The following CTNND2 variants were observed in gnomAD, a reference collection of about 807,000 sequenced individuals.
CTNND2 encodes catenin delta-2.
CTNND2 carries 22 observed loss-of-function variants against 144.4 expected under a neutral mutation model. That is an observed-to-expected ratio of 0.15 (90% CI 0.11 to 0.22). The LOEUF (loss-of-function observed/expected upper bound fraction) is 0.22. Ranked by LOEUF, CTNND2 falls within the 10% of genes least tolerant of loss-of-function variation. The pLI, the probability that CTNND2 is intolerant of heterozygous loss-of-function variation, is 1.00. For synonymous variants in CTNND2, 751 were observed against 695.6 expected (o/e 1.08, Z -1.25); for missense variants, 1,353 against 1,618.8 (o/e 0.84, Z 2.82).
intron 15 of CTNND2, among the ~76,000 whole-genome samples, chr5:11,094,340 C>CATT (rs1207779175): frequency 3.3e-5 from 5 of 152,132 alleles, no homozygotes; most frequent in African/African-American, 1.2e-4. Flanking sequence ...ACAGCCATGA[C>CATT]ATTAAATGGT....
chr5:11,276,056 T>C (rs571735195), intron 9 of CTNND2, among the ~76,000 whole-genome samples: 1 of 152,308 alleles, frequency 6.6e-6, no homozygotes, highest in East Asian at 1.9e-4. Flanking sequence ...AGAACACAAA[T>C]AATGATGTAT....
chr5:11,713,935 A>T (rs4380659), intron 2 of CTNND2, among the ~76,000 whole-genome samples: 1 of 112,438 alleles, frequency 8.9e-6, no homozygotes, highest in African/African-American at 4.3e-5. Context: ...TGGGGACAGC[A>T]GGGGGGCGGG....
intron 11 of CTNND2, among the ~76,000 whole-genome samples, chr5:11,198,329 C>A (rs1737080991): frequency 6.6e-6 from 1 of 151,820 alleles, no homozygotes. Context: ...AAAGAAAAAA[C>A]AAAAGAAAAA....
At position 11,148,457 on chromosome 5, in the gene CTNND2, G is replaced by A. The variant is rs143288636; in HGVS notation, c.2159+11119C>T. ...AAGGGCTCGTTTCTGCTGCTAGTTC[G>A]ATCTGCCTGCAGGCAGGTGCATCTG... On this transcript the variant is annotated intron_variant, in intron 12 of 21. Transcript: ENST00000304623. Among the ~76,000 whole-genome samples, 81 of 152,346 alleles carry A rather than the reference G, an allele frequency of 5.3e-4. 1 individual carries two copies. Among genetic ancestry groups the A allele is most frequent in the African/African-American group, 1.8e-3 (74 of 41,586 alleles).
intron 3 of CTNND2, among the ~76,000 whole-genome samples, chr5:11,474,661 T>C (rs9312774): frequency 0.049 from 7,529 of 152,276 alleles, 613 homozygotes; most frequent in African/African-American, 0.17. Context: ...TGAAGCACCA[T>C]TGTGAATACT....
At chr5:11,661,265 A>G (rs1241443898) in intron 2 of CTNND2, among the ~76,000 whole-genome samples, 1 of 152,196 alleles carries the variant, frequency 6.6e-6, no homozygotes, top group East Asian at 1.9e-4. Context: ...AGATCAGATT[A>G]AGGAAAGTCA....
At chr5:11,646,565 C>A (rs1782365967) in intron 2 of CTNND2, among the ~76,000 whole-genome samples, 1 of 152,176 alleles carries the variant, frequency 6.6e-6, no homozygotes, top group South Asian at 2.1e-4. Context: ...TACATACTTC[C>A]AAATTATCTT....
Position 11,787,468 on chromosome 5 carries a change from C to T in CTNND2, c.38-55196G>A, listed in dbSNP as rs375484067. 5.4e-3 allele frequency among the ~76,000 whole-genome samples: 815 copies of T among 152,282 alleles called. 13 individuals carry two copies. The highest frequency in any genetic ancestry group is 0.019 in the African/African-American group (785 of 41,546). On this transcript the variant is annotated intron_variant, in intron 1 of 21. Transcript: ENST00000304623. ...AACATATCTAGCCACCACAGCCACA[C>T]CATGAAGTAGACCCTTCAGTTATGA... is the stretch of plus-strand genomic sequence containing the variant.
chr5:11,193,645 C>T (rs1736568648), intron 11 of CTNND2, among the ~76,000 whole-genome samples: 20 of 152,056 alleles, frequency 1.3e-4, no homozygotes, highest in Admixed American at 1.3e-3. Flanking sequence ...CCAAGAATTC[C>T]AGGTGATCCC....
chr5:11,850,568 T>C (rs1178373127), intron 1 of CTNND2, among the ~76,000 whole-genome samples: 2 of 152,186 alleles, frequency 1.3e-5, no homozygotes, highest in African/African-American at 4.8e-5. Flanking sequence ...AAGGCAATTA[T>C]GATTAATAAA....
chr5:11,500,973 T>A (rs534452205), intron 3 of CTNND2, among the ~76,000 whole-genome samples: 1 of 152,346 alleles, frequency 6.6e-6, no homozygotes, highest in Admixed American at 6.5e-5. Context: ...TACCTCTTAA[T>A]TTGTAATTAA....
intron 13 of CTNND2, among the ~76,000 whole-genome samples, chr5:11,116,978 G>A (rs1753609751): frequency 6.6e-6 from 1 of 152,016 alleles, no homozygotes; most frequent in Admixed American, 6.5e-5. Flanking sequence ...AGAATCACTT[G>A]ATCCCAGGAG....
chr5:11,166,885 C>T (rs1759390649), intron 11 of CTNND2, among the ~76,000 whole-genome samples: 1 of 152,118 alleles, frequency 6.6e-6, no homozygotes, highest in African/African-American at 2.4e-5. Context: ...CTATACCACA[C>T]TCACTGAATG....
In CTNND2 at chr5:11,078,090, G is replaced by A. The variant is rs181330830; in HGVS notation, c.2788+4606C>T. Among the ~76,000 whole-genome samples, 6 of 152,296 alleles carry A rather than the reference G, an allele frequency of 3.9e-5. No homozygotes were observed. In the East Asian group the frequency reaches 1.2e-3, roughly 29 times the overall value. ...TTCATGCTGGAGATACCTGTTTGGA[G>A]TCACCAGAATACAGATGATCTTCAA... is the stretch of plus-strand genomic sequence containing the variant. On this transcript the variant is annotated intron_variant, in intron 16 of 21. Transcript: ENST00000304623.
intron 16 of CTNND2, among the ~76,000 whole-genome samples, chr5:11,034,843 G>A (rs1316409035): frequency 2.0e-5 from 3 of 151,584 alleles, no homozygotes; most frequent in Non-Finnish European, 4.4e-5. Flanking sequence ...ACTACTAGTG[G>A]TCTGTTGATC....
At chr5:11,002,122 T>C (rs1740021034) in intron 18 of CTNND2, among the ~76,000 whole-genome samples, 1 of 152,236 alleles carries the variant, frequency 6.6e-6, no homozygotes, top group African/African-American at 2.4e-5. Context: ...TCATTAGCTA[T>C]GCCCCAATTC....
chr5:11,617,992 A>C (rs1780658280), intron 2 of CTNND2, among the ~76,000 whole-genome samples: 1 of 152,196 alleles, frequency 6.6e-6, no homozygotes, highest in South Asian at 2.1e-4. Context: ...AGGGCTGCTA[A>C]AAGTTTTGGC....
intron 9 of CTNND2, among the ~76,000 whole-genome samples, chr5:11,295,733 A>T (rs533338632): frequency 1.1e-3 from 172 of 152,332 alleles, no homozygotes; most frequent in Non-Finnish European, 2.1e-3. Flanking sequence ...GAAATGGGGA[A>T]AGGATTCCCT....
intron 1 of CTNND2, among the ~76,000 whole-genome samples, chr5:11,771,316 G>GTT (rs2126825814): frequency 6.6e-6 from 1 of 151,968 alleles, no homozygotes; most frequent in South Asian, 2.1e-4. Context: ...CAGAGGCGGG[G>GTT]TTTCACCATG....
Sources: gnomAD v4.1 joint callset for allele counts (sites outside exome capture counted in the v4.1 genomes callset) on GRCh38, gnomAD v4.1.1 for gene constraint, MANE v1.5 for transcripts, NCBI Gene and HGNC (gene_info 2026-07-23, HGNC 2026-07-21) for gene names.